SYT1: variants seen among roughly 807,000 people sequenced by gnomAD.
The protein encoded by SYT1 is synaptotagmin-1.
In SYT1, 8 loss-of-function variants were observed where a neutral mutation model predicts 44.8. The observed-to-expected ratio is 0.18, with a 90% CI of 0.10 to 0.32. The LOEUF (loss-of-function observed/expected upper bound fraction) is 0.32. Among genes scored for constraint, SYT1 ranks in the 10% least tolerant of loss-of-function variants. The pLI, the probability that SYT1 is intolerant of heterozygous loss-of-function variation, is 1.00. For missense variants in SYT1, 286 were observed against 509.3 expected, an observed-to-expected ratio of 0.56 and a Z score of 4.22; for synonymous variants, 154 against 188.8, an observed-to-expected ratio of 0.82 and a Z score of 1.51.
chr12:78,952,852 A>G (rs1288107539), intron 1 of SYT1, among the ~76,000 whole-genome samples: 1 of 152,150 alleles, frequency 6.6e-6, no homozygotes, highest in Non-Finnish European at 1.5e-5. Flanking sequence ...TTGAAATCAC[A>G]TTCTATATGC....
Position 79,331,827 on chromosome 12 carries a change from CA to C in SYT1, c.811-21666del, listed in dbSNP as rs145512199. Among the ~76,000 whole-genome samples, 14 of 149,242 alleles carry C rather than the reference CA, an allele frequency of 9.4e-5. 1 individual carries two copies. The highest frequency in any genetic ancestry group is 1.3e-4 in the Non-Finnish European group (9 of 67,140). ...ATAATAAAATTATAGGTAAAAGCCA[CA>C]AAAAAAAATAAAGTCATAAAAAATG... On this transcript the variant is annotated intron_variant, in intron 8 of 10. Transcript: ENST00000261205.
At chr12:79,043,763 G>T (rs1436020769) in intron 2 of SYT1, among the ~76,000 whole-genome samples, 1 of 152,118 alleles carries the variant, frequency 6.6e-6, no homozygotes, top group Non-Finnish European at 1.5e-5. Flanking sequence ...AGCGGCTGGT[G>T]CCAGTTGTTC....
At chr12:79,066,491 A>T (rs200405582) in intron 3 of SYT1, among the ~76,000 whole-genome samples, 32 of 142,240 alleles carry the variant, frequency 2.2e-4, no homozygotes, top group African/African-American at 7.3e-4. Context: ...AAAAAAAATT[A>T]AAAAAAAAAA....
intron 1 of SYT1, among the ~76,000 whole-genome samples, chr12:78,915,839 A>G (rs1282319584): frequency 6.6e-6 from 1 of 152,024 alleles, no homozygotes; most frequent in African/African-American, 2.4e-5. Context: ...AAAGAAAACC[A>G]CTATGCTTGA....
intron 2 of SYT1, among the ~76,000 whole-genome samples, chr12:79,026,191 C>T (rs1235409725): frequency 2.0e-5 from 3 of 151,508 alleles, no homozygotes; most frequent in Non-Finnish European, 4.4e-5. Context: ...GCAGTTTATG[C>T]TTCTGTTCAA....
chr12:79,385,456 A>G (rs1342043016), intron 9 of SYT1, among the ~76,000 whole-genome samples: 1 of 105,992 alleles, frequency 9.4e-6, no homozygotes, highest in Non-Finnish European at 2.5e-5. Context: ...CTTTATGTAT[A>G]TTCATTGATT....
At chr12:79,237,828 C>G (rs536715730) in intron 4 of SYT1, among the ~76,000 whole-genome samples, 12 of 152,240 alleles carry the variant, frequency 7.9e-5, no homozygotes, top group Admixed American at 3.3e-4. Flanking sequence ...TTTGCTAACC[C>G]TATACACTTA....
chr12:79,153,690 T>C (rs568275973), intron 3 of SYT1, among the ~76,000 whole-genome samples: 5 of 152,250 alleles, frequency 3.3e-5, no homozygotes, highest in Admixed American at 2.6e-4. Flanking sequence ...GATGATAATC[T>C]CTGACATAAA....
At chr12:79,025,177 T>C (rs1461067188) in intron 2 of SYT1, among the ~76,000 whole-genome samples, 2 of 151,860 alleles carry the variant, frequency 1.3e-5, no homozygotes, top group African/African-American at 4.8e-5. Flanking sequence ...TTTGACGTGA[T>C]ACATGTATTA....
intron 4 of SYT1, among the ~76,000 whole-genome samples, chr12:79,264,257 G>T (rs1878000588): frequency 6.7e-6 from 1 of 149,988 alleles, no homozygotes; most frequent in South Asian, 2.1e-4. Context: ...TCTGCTCACT[G>T]CAAGCTCCAC....
At chr12:79,083,182 G>C (rs1284768863) in intron 3 of SYT1, among the ~76,000 whole-genome samples, 1 of 152,068 alleles carries the variant, frequency 6.6e-6, no homozygotes, top group Non-Finnish European at 1.5e-5. Context: ...AAACGTTAAA[G>C]CTCACTAGCA....
intron 3 of SYT1, among the ~76,000 whole-genome samples, chr12:79,188,449 A>G (rs1872925766): frequency 6.6e-6 from 1 of 152,144 alleles, no homozygotes; most frequent in African/African-American, 2.4e-5. Context: ...GAAATGGTGT[A>G]ATTTGGATTT....
intron 8 of SYT1, among the ~76,000 whole-genome samples, chr12:79,301,749 ATCTG>A (rs1880162842): frequency 6.6e-6 from 1 of 152,090 alleles, no homozygotes; most frequent in South Asian, 2.1e-4. Flanking sequence ...CTTACTGAGT[ATCTG>A]TAGGAGTTAT....
At chr12:79,200,230 T>TGA (rs753229724) in intron 3 of SYT1, among the ~76,000 whole-genome samples, 108 of 152,254 alleles carry the variant, frequency 7.1e-4, no homozygotes, top group Non-Finnish European at 1.1e-3. Flanking sequence ...ATACCAGATC[T>TGA]GAGAAAACTG....
At chr12:79,242,982 A>T (rs1354470434) in intron 4 of SYT1, among the ~76,000 whole-genome samples, 1 of 152,248 alleles carries the variant, frequency 6.6e-6, no homozygotes, top group Non-Finnish European at 1.5e-5. Flanking sequence ...GAAGCCTCAC[A>T]ATCATGGCAG....
chr12:79,295,865 C>A (rs190137473), intron 6 of SYT1, among the ~76,000 whole-genome samples: 1 of 152,152 alleles, frequency 6.6e-6, no homozygotes, highest in Non-Finnish European at 1.5e-5. Context: ...CTTCCCAGAG[C>A]CTGCATCAGT....
At chr12:79,197,358 T>C (rs1427269566) in intron 3 of SYT1, among the ~76,000 whole-genome samples, 3 of 152,158 alleles carry the variant, frequency 2.0e-5, no homozygotes, top group Non-Finnish European at 4.4e-5. Flanking sequence ...TTTGTTGCGA[T>C]ATTAGGGTAC....
At chr12:78,983,294 T>A (rs10506801) in intron 2 of SYT1, among the ~76,000 whole-genome samples, 24 of 152,158 alleles carry the variant, frequency 1.6e-4, no homozygotes, top group Non-Finnish European at 2.9e-5. Flanking sequence ...TATAGCCAGA[T>A]GTAAGTAATA....
intron 10 of SYT1, among the ~76,000 whole-genome samples, chr12:79,446,673 T>A (rs1870752869): frequency 6.6e-6 from 1 of 152,218 alleles, no homozygotes; most frequent in South Asian, 2.1e-4. Flanking sequence ...AAATTATACA[T>A]ACTTATTTAC....
Sources: allele counts gnomAD v4.1 joint callset (sites outside exome capture counted in the v4.1 genomes callset), GRCh38; gene constraint gnomAD v4.1.1; transcripts MANE v1.5; gene names NCBI Gene and HGNC (gene_info 2026-07-23, HGNC 2026-07-21).